Variants in PSMG1 observed in about 807,000 individuals in gnomAD.
The protein encoded by PSMG1 is proteasome assembly chaperone 1, also known as Down syndrome critical region gene 2.
A neutral mutation model predicts 37.2 loss-of-function variants in PSMG1; 23 were observed. The ratio of observed to expected loss-of-function variants is 0.62; its 90% CI spans 0.44 to 0.88. PSMG1 has a LOEUF of 0.88. Among genes scored for constraint, PSMG1 ranks in the 40% least tolerant of loss-of-function variants. PSMG1 has a pLI of 0.00. For synonymous variants in PSMG1, 127 were observed against 128.0 expected (o/e 0.99, Z 0.05); for missense variants, 340 against 344.2 (o/e 0.99, Z 0.10).
In PSMG1 at chr21:39,175,025, C is replaced by A. The variant is rs2030580757; in HGVS notation, c.*565G>T. The A allele has an allele frequency of 6.6e-6, 1 of 152,192 alleles. No individual in the cohort carries two copies. The highest frequency in any genetic ancestry group is 2.4e-5 in the African/African-American group (1 of 41,442). The allele number at this position is 152,192 out of a possible 1,614,324, so 9.4% of individuals were successfully genotyped here. Reference sequence around the variant, plus strand: ...ACAAGATAAAAAAAACTGCAGGACTCCTAAAATATCCAGAAACTTTCCACA... The same window carrying A: ...ACAAGATAAAAAAAACTGCAGGACTACTAAAATATCCAGAAACTTTCCACA... On this transcript the variant is annotated 3_prime_UTR_variant, in exon 7 of 7. Coordinates refer to ENST00000331573, the MANE Select transcript of PSMG1 (RefSeq NM_003720.4).
chr21:39,183,292 G>C lies in PSMG1; in HGVS notation c.94C>G (p.Pro32Ala). 6.3e-7 allele frequency: 1 copy of C among 1,588,080 alleles called. No homozygotes were observed. Residue 32 changes from proline (P) to alanine (A), a missense_variant, in exon 1 of 7, where the codon CCC (proline) becomes GCC (alanine). Transcript: ENST00000331573. Reference protein sequence around the residue: ...EEEEEGRRETPEDREVRLQLA... With the variant: ...EEEEEGRRETAEDREVRLQLA... The stretch of plus-strand genomic sequence containing the variant: ...TGCAGACGCACCTCCCTGTCCTCGG[G>C]CGTCTCCCTCCGCCCCTCCTCCTCC...
intron 1 of PSMG1, among the ~76,000 whole-genome samples, chr21:39,182,588 G>A (rs1017838973): frequency 2.6e-5 from 4 of 152,194 alleles, no homozygotes; most frequent in African/African-American, 9.7e-5. Flanking sequence ...GATGTATTCT[G>A]AAAAATGTAG....
Position 39,178,608 on chromosome 21 carries a change from T to A in PSMG1, c.496A>T (p.Ile166Phe). The stretch of plus-strand genomic sequence containing the variant: ...TCGGTAACATGTCGACATGTGAGAA[T>A]AGTTATCTGCATGTTCTTCCTTGGA... ...SCPRKNMQIT[I>F]LTCRHVTDYK... Residue 166 changes from isoleucine to phenylalanine, a missense_variant, in exon 5 of 7, where the codon ATT (isoleucine) becomes TTT (phenylalanine). Transcript: ENST00000331573. 1 of 1,614,118 alleles carries A rather than the reference T, an allele frequency of 6.2e-7. No individual in the cohort carries two copies. Among genetic ancestry groups the A allele is most frequent in the South Asian group, 1.1e-5 (1 of 91,078 alleles).
rs117089216 is a variant in PSMG1 at position 39,181,759 on chromosome 21, C to T, written c.241+13G>A. On this transcript the variant is annotated intron_variant, in intron 2 of 6. Coordinates refer to ENST00000331573, the MANE Select transcript of PSMG1 (RefSeq NM_003720.4). ...TTCAACAAAATGACTAAGTCTTCTG[C>T]ATTTTCACTTACCTACTGCATTATT... The T allele has an allele frequency of 8.5e-4, 1,263 of 1,485,254 alleles. 24 individuals are homozygous for T. In the East Asian group the frequency reaches 0.027, roughly 32 times the overall value. The allele number at this position is 1,485,254 out of a possible 1,614,324, so 92.0% of individuals were successfully genotyped here. A position where few individuals can be genotyped will look rare whatever the true frequency, so the allele number is the denominator to read the frequency against.
intron 4 of PSMG1, 48 bp downstream of exon 4, chr21:39,179,876 G>GA: frequency 2.0e-6 from 3 of 1,517,776 alleles, no homozygotes; most frequent in Non-Finnish European, 2.7e-6. Flanking sequence ...CTTAAAAAAT[G>GA]AAAACTCCTG....
At chr21:39,177,729 G>A (rs1378780715) in intron 5 of PSMG1, among the ~76,000 whole-genome samples, 158 bp from the exon 6 acceptor site, 1 of 152,136 alleles carries the variant, frequency 6.6e-6, no homozygotes, top group Non-Finnish European at 1.5e-5. Flanking sequence ...TTATAATGAA[G>A]ATTTTCTTTC....
At position 39,175,461 on chromosome 21, in the gene PSMG1, A is replaced by G. The variant is rs9305670; in HGVS notation, c.*129T>C. The G allele has an allele frequency of 0.87, 1,145,275 of 1,310,976 alleles. 500,568 individuals are homozygous for G. The highest frequency in any genetic ancestry group is 0.92 in the African/African-American group (60,588 of 66,084). 81.2% of individuals were successfully genotyped at this position (1,310,976 alleles called of 1,614,324 possible). On this transcript the variant is annotated 3_prime_UTR_variant, in exon 7 of 7. Transcript: ENST00000331573. ...AAATAAGGAATTAAAACTACAATTA[A>G]TTTTTTACAATTTTATTCCGTTTCA...
In PSMG1 at chr21:39,178,613, A is replaced by C; in HGVS notation, c.491T>G (p.Ile164Arg). 6.2e-7 allele frequency: 1 copy of C among 1,614,152 alleles called. No homozygotes were observed. Among genetic ancestry groups the C allele is most frequent in the Non-Finnish European group, 8.5e-7 (1 of 1,180,006 alleles). ...FGSCPRKNMQ[I>R]TILTCRHVTD... The stretch of plus-strand genomic sequence containing the variant: ...AACATGTCGACATGTGAGAATAGTT[A>C]TCTGCATGTTCTTCCTTGGACAAGA... The change falls in exon 5 of 7, where the codon ATA (isoleucine) becomes AGA (arginine). Residue 164 changes from isoleucine (I) to arginine (R), a missense_variant. Ile to Arg is a moderately conservative substitution (Grantham distance 97, BLOSUM62 -3). Coordinates refer to ENST00000331573, the MANE Select transcript of PSMG1 (RefSeq NM_003720.4).
chr21:39,183,453 A>T, upstream of PSMG1: 1 of 1,486,098 alleles, frequency 6.7e-7, no homozygotes, highest in Non-Finnish European at 8.9e-7. Flanking sequence ...GCGCGAGACC[A>T]CGCTCCCTCA....
chr21:39,181,739 C>T, intron 2 of PSMG1, 33 bp downstream of exon 2: 4 of 1,385,736 alleles, frequency 2.9e-6, no homozygotes, highest in Non-Finnish European at 3.9e-6. Flanking sequence ...ATTCTTTCAA[C>T]AAAATGACTA....
chr21:39,180,015 CA>C (rs201244288), intron 3 of PSMG1, 29 bp from the exon 4 acceptor site: 8 of 1,564,154 alleles, frequency 5.1e-6, no homozygotes, highest in Non-Finnish European at 7.0e-6. Context: ...CGCTTTTTGT[CA>C]AGTAAGTTTT....
intron 3 of PSMG1, 55 bp from the exon 4 acceptor site, chr21:39,180,041 C>A: frequency 1.0e-5 from 16 of 1,537,626 alleles, no homozygotes; most frequent in Non-Finnish European, 1.4e-5. Flanking sequence ...ACACCACAAA[C>A]TATCACCATA....
At chr21:39,175,860 GCCGATGATCTCCTGGCCT>G (rs1452210350) in intron 6 of PSMG1, among the ~76,000 whole-genome samples, 196 bp from the exon 7 acceptor site, 3 of 152,014 alleles carry the variant, frequency 2.0e-5, no homozygotes, top group Non-Finnish European at 4.4e-5. Flanking sequence ...TGCCACACTC[GCCGATGATCTCCTGGCCT>G]CCGATGGTCT....
chr21:39,179,662 A>C (rs6517521), intron 4 of PSMG1, among the ~76,000 whole-genome samples: 63 of 151,478 alleles, frequency 4.2e-4, no homozygotes, highest in Middle Eastern at 3.4e-3. Flanking sequence ...GTGACCTACC[A>C]TCCTCAATGC....
At chr21:39,182,798 T>A (rs886557714) in intron 1 of PSMG1, among the ~76,000 whole-genome samples, 5 of 152,166 alleles carry the variant, frequency 3.3e-5, no homozygotes, top group African/African-American at 1.2e-4. Context: ...AATTGAAGTG[T>A]TGGGTGCAGG....
rs2030706642 is a variant in PSMG1, at chr21:39,178,521, G to T, written c.583C>A (p.Gln195Lys). ...CAACACGCCGAGTCTTTGAAATTCT[G>T]TGTTTTTAGGGCTCTCAGGAAAGGA... Reference protein sequence around the residue: ...PSPFLRALKTQNFKDSACCPL... With the variant: ...PSPFLRALKTKNFKDSACCPL... Residue 195 changes from glutamine to lysine, a missense_variant, in exon 5 of 7, where the codon CAG becomes AAG. Physicochemically the swap from Gln to Lys is moderately conservative, Grantham distance 53 (BLOSUM62 1). Coordinates refer to ENST00000331573, the MANE Select transcript of PSMG1 (RefSeq NM_003720.4). 1 of 1,614,122 alleles carries T rather than the reference G, an allele frequency of 6.2e-7. No individual in the cohort carries two copies. The highest frequency in any genetic ancestry group is 8.5e-7 in the Non-Finnish European group (1 of 1,179,992).
intron 4 of PSMG1, among the ~76,000 whole-genome samples, chr21:39,179,666 TCAA>T (rs1205243842): frequency 9.9e-5 from 15 of 151,608 alleles, no homozygotes; most frequent in African/African-American, 3.6e-4. Flanking sequence ...CCTACCATCC[TCAA>T]TGCTGAGGAC....
chr21:39,178,319 T>C (rs1456736565), intron 5 of PSMG1, 130 bp downstream of exon 5: 4 of 794,654 alleles, frequency 5.0e-6, no homozygotes, highest in Non-Finnish European at 7.9e-6. Flanking sequence ...ACTACAGATA[T>C]TGAGGACTAA....
rs1011358938 is a variant in PSMG1 at position 39,177,369 on chromosome 21, A to G, written c.792+66T>C. 15 of 1,381,886 alleles carry G rather than the reference A, an allele frequency of 1.1e-5. No homozygotes were observed. In the African/African-American group the frequency reaches 1.8e-4, roughly 16 times the overall value. 85.6% of individuals were successfully genotyped at this position (1,381,886 alleles called of 1,614,324 possible). Reference sequence around the variant, plus strand: ...CTTAGGGTTTAAAATGACAGTATACATTTATGTTTGTTACTAAGCTGATTA... The same window carrying G: ...CTTAGGGTTTAAAATGACAGTATACGTTTATGTTTGTTACTAAGCTGATTA... On this transcript the variant is annotated intron_variant, in intron 6 of 6. Transcript: ENST00000331573.
Sources: gnomAD v4.1 joint callset for allele counts (sites outside exome capture counted in the v4.1 genomes callset) on GRCh38, gnomAD v4.1.1 for gene constraint, MANE v1.5 for transcripts, NCBI Gene and HGNC (gene_info 2026-07-23, HGNC 2026-07-21) for gene names.